Variants in CNTN4 observed in about 807,000 individuals in gnomAD.
CNTN4 encodes contactin-4.
Under a neutral mutation model 122.5 loss-of-function variants are expected in CNTN4, and 77 were observed. The observed-to-expected ratio is 0.63, with a 90% CI of 0.52 to 0.76. The LOEUF is 0.76. Among genes scored for constraint, CNTN4 ranks in the 30% least tolerant of loss-of-function variants. CNTN4 has a pLI of 0.00. For synonymous variants in CNTN4, 512 were observed against 447.0 expected (o/e 1.15, Z -1.83); for missense variants, 1,256 against 1,259.1 (o/e 1.00, Z 0.04).
chr3:2,723,055 G>T lies in CNTN4; in HGVS notation c.56-13160G>T, dbSNP rs546909016. On this transcript the variant is annotated intron_variant, in intron 4 of 24. Coordinates refer to ENST00000418658, the MANE Select transcript of CNTN4 (RefSeq NM_175607.3). ...TCAAGACATAAATATTGACAAAATA[G>T]ATTATCTCTCTTCCTAAGGGATGAT... 3.9e-5 allele frequency among the ~76,000 whole-genome samples: 6 copies of T among 152,244 alleles called. No homozygotes were observed. The East Asian group carries it at 1.2e-3, about 29-fold the overall frequency.
At position 2,866,937 on chromosome 3, in the gene CNTN4, T is replaced by C. The variant is rs919752805; in HGVS notation, c.640T>C (p.Leu214=). Reference sequence around the variant, plus strand: ...CCTGGGGCCACCTACACCACTAATATTGAGAAATGATGGTGAGTTTTCAAG... The same window carrying C: ...CCTGGGGCCACCTACACCACTAATACTGAGAAATGATGGTGAGTTTTCAAG... The part of the protein sequence containing the change: ...KVLGPPTPLI[L]RNDGVMGEYE... The change falls in exon 8 of 25, where the codon TTG becomes CTG. Residue 214 remains leucine (L), a synonymous_variant. Transcript: ENST00000418658. 2 of 1,613,584 alleles carry C rather than the reference T, an allele frequency of 1.2e-6. No individual in the cohort carries two copies. Among genetic ancestry groups the C allele is most frequent in the East Asian group, 4.5e-5 (2 of 44,882 alleles).
chr3:2,241,762 T>A (rs1341450954), intron 2 of CNTN4, among the ~76,000 whole-genome samples: 4 of 152,196 alleles, frequency 2.6e-5, no homozygotes, highest in African/African-American at 9.7e-5. Context: ...CATGCTCTTC[T>A]AAGCAATCCA....
intron 3 of CNTN4, among the ~76,000 whole-genome samples, chr3:2,463,354 A>G (rs2049299355): frequency 2.0e-5 from 3 of 152,234 alleles, no homozygotes; most frequent in African/African-American, 7.2e-5. Context: ...GGGAGGACCT[A>G]CCAATTTATA....
chr3:2,924,907 C>A (rs2094458892), intron 12 of CNTN4, among the ~76,000 whole-genome samples: 1 of 151,838 alleles, frequency 6.6e-6, no homozygotes, highest in African/African-American at 2.4e-5. Flanking sequence ...AGGTGGCGAC[C>A]ATATCAGAGA....
chr3:2,698,566 T>A (rs191372059), intron 4 of CNTN4, among the ~76,000 whole-genome samples: 10 of 152,326 alleles, frequency 6.6e-5, no homozygotes, highest in Admixed American at 6.5e-4. Flanking sequence ...GTGCTAGTGT[T>A]CTTTGCCAGT....
intron 6 of CNTN4, among the ~76,000 whole-genome samples, chr3:2,787,267 T>C (rs1378411603): frequency 6.6e-6 from 1 of 151,940 alleles, no homozygotes; most frequent in Non-Finnish European, 1.5e-5. Flanking sequence ...TCCCAGCTAC[T>C]TGGGAGGCTG....
intron 2 of CNTN4, among the ~76,000 whole-genome samples, chr3:2,113,135 C>G (rs41382745): frequency 0.03 from 4,506 of 152,254 alleles, 221 homozygotes; most frequent in African/African-American, 0.1. Context: ...TTTCACTGCT[C>G]TCAATTGCCT....
At chr3:2,781,863 T>G (rs1188253141) in intron 6 of CNTN4, among the ~76,000 whole-genome samples, 2 of 85,786 alleles carry the variant, frequency 2.3e-5, no homozygotes, top group Non-Finnish European at 4.3e-5. Flanking sequence ...TAGCTGGGAC[T>G]GCAGGCGCCC....
chr3:2,951,110 T>C (rs2094738011), intron 13 of CNTN4, among the ~76,000 whole-genome samples: 2 of 152,160 alleles, frequency 1.3e-5, no homozygotes, highest in Non-Finnish European at 1.5e-5. Flanking sequence ...AAGCTTAGAA[T>C]TGTGTCTTTT....
chr3:2,684,080 C>A (rs1456103464), intron 4 of CNTN4, among the ~76,000 whole-genome samples: 1 of 152,164 alleles, frequency 6.6e-6, no homozygotes, highest in Non-Finnish European at 1.5e-5. Flanking sequence ...TCTTTCACCA[C>A]TTTCCCTGCA....
intron 15 of CNTN4, among the ~76,000 whole-genome samples, chr3:3,030,576 T>C (rs566098577): frequency 6.3e-4 from 96 of 152,334 alleles, no homozygotes; most frequent in Non-Finnish European, 1.2e-3. Context: ...GTAGGACTTA[T>C]GTAGCATGTA....
chr3:2,148,558 A>T lies in CNTN4; in HGVS notation c.-145+47919A>T, dbSNP rs185982210. Among the ~76,000 whole-genome samples, 455 of 152,160 alleles carry T rather than the reference A, an allele frequency of 3.0e-3. 2 individuals carry two copies. The highest frequency in any genetic ancestry group is 0.01 in the African/African-American group (417 of 41,518). ...AAAAAAAAAAAGAAAAGAAAAGAAAAAAATATTAGTAGGTCTAACTGTAAT... is the reference window on the plus strand; with the variant it reads ...AAAAAAAAAAAGAAAAGAAAAGAAATAAATATTAGTAGGTCTAACTGTAAT... On this transcript the variant is annotated intron_variant, in intron 2 of 24. Coordinates refer to ENST00000418658, the MANE Select transcript of CNTN4 (RefSeq NM_175607.3).
intron 6 of CNTN4, among the ~76,000 whole-genome samples, chr3:2,803,794 C>A (rs2092401521): frequency 6.6e-6 from 1 of 152,024 alleles, no homozygotes; most frequent in Non-Finnish European, 1.5e-5. Context: ...CTCCTGACCT[C>A]AGGTGATCCA....
chr3:2,519,251 C>T (rs1333951090), intron 3 of CNTN4, among the ~76,000 whole-genome samples: 2 of 152,162 alleles, frequency 1.3e-5, no homozygotes, highest in Admixed American at 1.3e-4. Flanking sequence ...AAGGGCTCTT[C>T]TGCCATCCCT....
intron 13 of CNTN4, among the ~76,000 whole-genome samples, chr3:2,987,505 G>A (rs1694686929): frequency 6.6e-6 from 1 of 152,222 alleles, no homozygotes; most frequent in Non-Finnish European, 1.5e-5. Context: ...AAAGATGTGA[G>A]CAGATCTGAA....
At chr3:2,751,667 C>G (rs1221456848) in intron 6 of CNTN4, among the ~76,000 whole-genome samples, 1 of 152,098 alleles carries the variant, frequency 6.6e-6, no homozygotes, top group East Asian at 1.9e-4. Flanking sequence ...TGCTATAGCT[C>G]CATCACCCTA....
intron 4 of CNTN4, among the ~76,000 whole-genome samples, chr3:2,733,726 G>A (rs549724559): frequency 1.5e-4 from 23 of 151,800 alleles, no homozygotes; most frequent in African/African-American, 5.1e-4. Context: ...AGTAGTGATG[G>A]GGTTTCACTA....
At chr3:3,030,772 A>G in intron 15 of CNTN4, 83 bp from the exon 16 acceptor site, 1 of 1,475,100 alleles carries the variant, frequency 6.8e-7, no homozygotes, top group Non-Finnish European at 9.5e-7. Context: ...AAATAAATCC[A>G]TTAGTCACCG....
chr3:2,632,068 A>G (rs1397405001), intron 4 of CNTN4, among the ~76,000 whole-genome samples: 27 of 145,844 alleles, frequency 1.9e-4, no homozygotes, highest in African/African-American at 4.2e-4. Flanking sequence ...ACATACGCAC[A>G]CACACACACA....
Sources: gnomAD v4.1 joint callset for allele counts (sites outside exome capture counted in the v4.1 genomes callset) on GRCh38, gnomAD v4.1.1 for gene constraint, MANE v1.5 for transcripts, NCBI Gene and HGNC (gene_info 2026-07-23, HGNC 2026-07-21) for gene names.